The following UBQLN4 variants were observed in gnomAD, a reference collection of about 807,000 sequenced individuals.
The protein encoded by UBQLN4 is ubiquilin-4.
UBQLN4 carries 11 observed loss-of-function variants against 60.4 expected under a neutral mutation model. The ratio of observed to expected loss-of-function variants is 0.18; its 90% CI spans 0.11 to 0.30. UBQLN4 has a LOEUF of 0.30. UBQLN4 is among the 10% of genes least tolerant of loss of function. UBQLN4 has a pLI of 1.00. For missense variants in UBQLN4, 417 were observed against 795.5 expected (o/e 0.52, Z 5.72); for synonymous variants, 258 against 313.1 (o/e 0.82, Z 1.86).
chr1:156,035,182 A>G, downstream of UBQLN4: 1 of 888,628 alleles, frequency 1.1e-6, no homozygotes, highest in Non-Finnish European at 1.3e-6. Flanking sequence ...AATATTTCTT[A>G]ACATCTGTAG....
At chr1:156,034,836 T>TATATAA (rs1683357992), downstream of UBQLN4, among the ~76,000 whole-genome samples, 1 of 38,706 alleles carries the variant, frequency 2.6e-5, no homozygotes, top group Non-Finnish European at 5.2e-5. Context: ...TATATATATA[T>TATATAA]ATATATATAT....
Position 156,035,355 on chromosome 1 carries a change from G to A in UBQLN4, c.*1623C>T. Reference sequence around the variant, plus strand: ...AAAGGCCAGTGTGGGAGCTGGGGGAGGCAGGGAGGGAAAGCCACACAGACA... The same window carrying A: ...AAAGGCCAGTGTGGGAGCTGGGGGAAGCAGGGAGGGAAAGCCACACAGACA... On this transcript the variant is annotated 3_prime_UTR_variant, in exon 11 of 11. Transcript: ENST00000368309. 2.0e-6 allele frequency: 2 copies of A among 985,332 alleles called. No homozygotes were observed. The highest frequency in any genetic ancestry group is 4.7e-5 in the South Asian group (1 of 21,270). 61.0% of individuals were successfully genotyped at this position (985,332 alleles called of 1,614,324 possible). A position where few individuals can be genotyped will look rare whatever the true frequency, so the allele number is the denominator to read the frequency against.
chr1:156,049,229 T>C (rs960926762), intron 4 of UBQLN4, among the ~76,000 whole-genome samples: 1 of 152,212 alleles, frequency 6.6e-6, no homozygotes, highest in African/African-American at 2.4e-5. Flanking sequence ...GCCAGGTTGG[T>C]TGGTCTGTCC....
rs1283792284 is a variant in UBQLN4 at position 156,053,666 on chromosome 1, G to C, written c.36C>G (p.Pro12=). Residue 12 remains proline (P), a synonymous_variant, in exon 1 of 11, where the codon CCC becomes CCG. Transcript: ENST00000368309. ...TGGGGGTCTTGACGGTGACCCGAATGGGGGGCCTCGTCTCGGCCCCGCTCG... is the reference window on the plus strand; with the variant it reads ...TGGGGGTCTTGACGGTGACCCGAATCGGGGGCCTCGTCTCGGCCCCGCTCG... ...AEPSGAETRP[P]IRVTVKTPKD... The C allele has an allele frequency of 7.4e-7, 1 of 1,352,114 alleles. No homozygotes were observed. The highest frequency in any genetic ancestry group is 1.5e-5 in the African/African-American group (1 of 66,978). 83.8% of individuals were successfully genotyped at this position (1,352,114 alleles called of 1,614,324 possible). A position where few individuals can be genotyped will look rare whatever the true frequency, so the allele number is the denominator to read the frequency against.
At chr1:156,034,534 G>A (rs1200952463), downstream of UBQLN4, among the ~76,000 whole-genome samples, 1 of 151,494 alleles carries the variant, frequency 6.6e-6, no homozygotes, top group African/African-American at 2.4e-5. Flanking sequence ...CTGACCTCGT[G>A]ATCCACCCAC....
Position 156,050,648 on chromosome 1 carries a change from T to C in UBQLN4, c.479-95A>G. 6.9e-7 allele frequency: 1 copy of C among 1,457,786 alleles called. No homozygotes were observed. Among genetic ancestry groups the C allele is most frequent in the Non-Finnish European group, 9.1e-7 (1 of 1,098,956 alleles). The allele number at this position is 1,457,786 out of a possible 1,614,324, so 90.3% of individuals were successfully genotyped here. A position where few individuals can be genotyped will look rare whatever the true frequency, so the allele number is the denominator to read the frequency against. On this transcript the variant is annotated intron_variant, in intron 3 of 10. Transcript: ENST00000368309. This position sits in a 1 kb window ranked among gnomAD's most constrained non-coding sequence, Gnocchi z 4.6. Reference sequence around the variant, plus strand: ...TCAGATCTCCAGGACACGCCCCAAATGCTTCTCACATGTCCCTCTTCCTGT... The same window carrying C: ...TCAGATCTCCAGGACACGCCCCAAACGCTTCTCACATGTCCCTCTTCCTGT...
chr1:156,033,132 A>G (rs944535794), downstream of UBQLN4: 10 of 847,812 alleles, frequency 1.2e-5, no homozygotes, highest in Admixed American at 1.9e-4. Context: ...ATACTTATGT[A>G]GCTGCTGCCA....
intron 8 of UBQLN4, 73 bp from the exon 9 acceptor site, chr1:156,042,060 G>A (rs1420069501): frequency 6.2e-7 from 1 of 1,611,656 alleles, no homozygotes; most frequent in Non-Finnish European, 8.5e-7. Context: ...TAGGAGTCCA[G>A]AGTCAAGCTC....
chr1:156,052,031 CA>C (rs1683884975), intron 1 of UBQLN4, among the ~76,000 whole-genome samples, 174 bp from the exon 2 acceptor site: 1 of 152,188 alleles, frequency 6.6e-6, no homozygotes, highest in African/African-American at 2.4e-5. Context: ...CCTTTCTTAA[CA>C]AAGGAGATGA....
intron 10 of UBQLN4, among the ~76,000 whole-genome samples, chr1:156,037,439 C>T (rs1258755394): frequency 1.3e-5 from 2 of 151,964 alleles, no homozygotes; most frequent in African/African-American, 4.8e-5. Flanking sequence ...ACTAAAAATA[C>T]AAAAAATTCG....
At position 156,036,840 on chromosome 1, in the gene UBQLN4, C is replaced by T. The variant is rs35171853; in HGVS notation, c.*138G>A. 6.6e-7 allele frequency: 1 copy of T among 1,516,486 alleles called. No homozygotes were observed. Among genetic ancestry groups the T allele is most frequent in the Non-Finnish European group, 8.8e-7 (1 of 1,135,526 alleles). 93.9% of individuals were successfully genotyped at this position (1,516,486 alleles called of 1,614,324 possible). On this transcript the variant is annotated 3_prime_UTR_variant, in exon 11 of 11. Coordinates refer to ENST00000368309, the MANE Select transcript of UBQLN4 (RefSeq NM_020131.5). ...CAGAGCTAAGGGGTTGGAGCCCATGCCTCTAAAGTCACCCTGCTGTTTGGA... is the reference window on the plus strand; with the variant it reads ...CAGAGCTAAGGGGTTGGAGCCCATGTCTCTAAAGTCACCCTGCTGTTTGGA...
In UBQLN4 at chr1:156,036,913, G is replaced by T; in HGVS notation, c.*65C>A. On this transcript the variant is annotated 3_prime_UTR_variant, in exon 11 of 11. Transcript: ENST00000368309. ...GGGAGGACAAGCTGCAGAGGGTAAG[G>T]ATTGACAGAAGAACCGAATGCTGAC... The T allele has an allele frequency of 1.9e-6, 3 of 1,582,544 alleles. No homozygotes were observed. Among genetic ancestry groups the T allele is most frequent in the Non-Finnish European group, 2.6e-6 (3 of 1,165,100 alleles).
chr1:156,041,703 T>C (rs376722033), intron 9 of UBQLN4, 32 bp from the exon 10 acceptor site: 20 of 1,482,484 alleles, frequency 1.3e-5, no homozygotes, highest in Non-Finnish European at 1.7e-5. Flanking sequence ...AGGTAGGAGA[T>C]GGCATCCAAG....
intron 5 of UBQLN4, among the ~76,000 whole-genome samples, chr1:156,047,891 C>CAAA (rs749746724): frequency 1.2e-4 from 5 of 40,032 alleles, no homozygotes; most frequent in African/African-American, 2.9e-4. Flanking sequence ...GACTCCATCT[C>CAAA]AAAAAAAAAA....
At chr1:156,047,576 T>G (rs150434352) in intron 5 of UBQLN4, among the ~76,000 whole-genome samples, 1,633 of 151,114 alleles carry the variant, frequency 0.011, 34 homozygotes, top group African/African-American at 0.038. Context: ...AAACATAGAA[T>G]GTGTTTAATG....
chr1:156,046,430 G>A (rs1199950820), intron 5 of UBQLN4, among the ~76,000 whole-genome samples: 3 of 151,804 alleles, frequency 2.0e-5, no homozygotes, highest in South Asian at 4.2e-4. Flanking sequence ...CCCGGGAGGC[G>A]GAGGTTGCAG....
Position 156,035,876 on chromosome 1 carries a change from C to T in UBQLN4, c.*1102G>A, listed in dbSNP as rs371592169. The T allele has an allele frequency of 3.1e-4, 305 of 985,350 alleles. 3 individuals carry two copies. The South Asian group carries it at 0.012, about 40-fold the overall frequency. The allele number at this position is 985,350 out of a possible 1,614,324, so 61.0% of individuals were successfully genotyped here. On this transcript the variant is annotated 3_prime_UTR_variant, in exon 11 of 11. Transcript: ENST00000368309. The stretch of plus-strand genomic sequence containing the variant: ...CTGAACCAGAAACCAACAAGGAATC[C>T]ACTTCCCACCCAACTTAAGAGTGTA...
chr1:156,053,566 TCCCCCCG>T, intron 1 of UBQLN4, 21 bp downstream of exon 1: 7 of 742,458 alleles, frequency 9.4e-6, no homozygotes, highest in South Asian at 4.6e-5. Context: ...TCCTCCGCGC[TCCCCCCG>T]CCCCCCGCCT....
intron 5 of UBQLN4, among the ~76,000 whole-genome samples, chr1:156,045,656 A>G (rs1271312672): frequency 6.6e-6 from 1 of 152,226 alleles, no homozygotes; most frequent in Non-Finnish European, 1.5e-5. Flanking sequence ...GATACAGTGG[A>G]GTTTTCCAAA....
Sources: gnomAD v4.1 joint callset for allele counts (sites outside exome capture counted in the v4.1 genomes callset) on GRCh38, gnomAD v4.1.1 for gene constraint, Gnocchi (gnomAD v3.1) non-coding constraint, MANE v1.5 for transcripts, NCBI Gene and HGNC (gene_info 2026-07-23, HGNC 2026-07-21) for gene names.